The following ANGPTL6 variants were observed in gnomAD, a reference collection of about 807,000 sequenced individuals.
ANGPTL6 encodes angiopoietin like 6, also known as angiopoietin-related protein 6.
Under a neutral mutation model 47.4 loss-of-function variants are expected in ANGPTL6, and 45 were observed. The observed-to-expected ratio is 0.95, with a 90% CI of 0.75 to 1.22. The LOEUF is 1.22. Among genes scored for constraint, ANGPTL6 ranks in the 50% most tolerant of loss-of-function variants. The probability of loss-of-function intolerance (pLI) is 0.00; values close to 1 mark genes in which losing one functional copy is unlikely to be tolerated. For synonymous variants in ANGPTL6, 290 were observed against 295.9 expected, an observed-to-expected ratio of 0.98 and a Z score of 0.20; for missense variants, 698 against 669.4, an observed-to-expected ratio of 1.04 and a Z score of -0.47.
In ANGPTL6 at chr19:10,093,874, C is replaced by G; in HGVS notation, c.770G>C (p.Trp257Ser). 1 of 1,608,198 alleles carries G rather than the reference C, an allele frequency of 6.2e-7. No individual in the cohort carries two copies. Among genetic ancestry groups the G allele is most frequent in the Non-Finnish European group, 8.5e-7 (1 of 1,179,986 alleles). Residue 257 changes from tryptophan to serine, a missense_variant, in exon 4 of 6, where the codon TGG becomes TCG. Coordinates refer to ENST00000253109, the MANE Select transcript of ANGPTL6 (RefSeq NM_031917.3). Reference protein sequence around the residue: ...PAVPTKPVGPWQDCAEARQAG... With the variant: ...PAVPTKPVGPSQDCAEARQAG... ...CTGGCGGGCCTCTGCACAATCCTGC[C>G]ACGGGCCTGTGGGCACAGGGATAGG...
chr19:10,103,894 A>G (rs990799221), upstream of ANGPTL6, among the ~76,000 whole-genome samples: 10 of 151,404 alleles, frequency 6.6e-5, 1 homozygote, highest in Non-Finnish European at 1.0e-4. Context: ...GCAATTCGAG[A>G]CCAGCCTGGC....
chr19:10,099,748 T>C (rs907191040), intron 1 of ANGPTL6, among the ~76,000 whole-genome samples: 1 of 151,882 alleles, frequency 6.6e-6, no homozygotes, highest in African/African-American at 2.4e-5. Flanking sequence ...CCTATCCTTA[T>C]TCAAGTCTCA....
At position 10,096,350 on chromosome 19, in the gene ANGPTL6, G is replaced by A; in HGVS notation, c.214C>T (p.His72Tyr). 1 of 1,286,016 alleles carries A rather than the reference G, an allele frequency of 7.8e-7. No individual in the cohort carries two copies. The highest frequency in any genetic ancestry group is 9.8e-7 in the Non-Finnish European group (1 of 1,021,604). The allele number at this position is 1,286,016 out of a possible 1,614,324, so 79.7% of individuals were successfully genotyped here. A position where few individuals can be genotyped will look rare whatever the true frequency, so the allele number is the denominator to read the frequency against. ...LAALRMRVGR[H>Y]EELLRELQRL... ...TGCAGCTCGCGTAACAGCTCCTCGT[G>A]GCGGCCGACGCGCATGCGCAGCGCC... The change falls in exon 2 of 6, where the codon CAC (histidine) becomes TAC (tyrosine). Residue 72 changes from histidine (H) to tyrosine (Y), a missense_variant. Transcript: ENST00000253109.
chr19:10,103,065 C>T (rs1337101668), upstream of ANGPTL6, among the ~76,000 whole-genome samples: 1 of 151,900 alleles, frequency 6.6e-6, no homozygotes, highest in Non-Finnish European at 1.5e-5. Context: ...TCCTTACAAC[C>T]TGAGCTGGAT....
rs894580896 is a variant in ANGPTL6, at chr19:10,092,518, G to A, written c.*71C>T. On this transcript the variant is annotated 3_prime_UTR_variant, in exon 6 of 6. Transcript: ENST00000253109. Reference sequence around the variant, plus strand: ...ACATTGGCACTGAGCCACAAAGAAGGTGTGGCCAGAACAACTTGGGCTCCT... The same window carrying A: ...ACATTGGCACTGAGCCACAAAGAAGATGTGGCCAGAACAACTTGGGCTCCT... 4.6e-6 allele frequency: 7 copies of A among 1,531,188 alleles called. No individual in the cohort carries two copies. The highest frequency in any genetic ancestry group is 1.4e-5 in the African/African-American group (1 of 72,650). 94.9% of individuals were successfully genotyped at this position (1,531,188 alleles called of 1,614,324 possible). A position where few individuals can be genotyped will look rare whatever the true frequency, so the allele number is the denominator to read the frequency against.
chr19:10,092,969 T>C, intron 5 of ANGPTL6, 190 bp from the exon 6 acceptor site: 1 of 525,934 alleles, frequency 1.9e-6, no homozygotes, highest in Non-Finnish European at 3.3e-6. Context: ...GTAATAGCCT[T>C]AATTCCTTCC....
chr19:10,094,006 A>C (rs2088465878), intron 3 of ANGPTL6, 126 bp from the exon 4 acceptor site: 1 of 985,730 alleles, frequency 1.0e-6, no homozygotes, highest in African/African-American at 1.6e-5. Flanking sequence ...TTTTCTACCA[A>C]AGAGTCCTGC....
chr19:10,101,995 A>G (rs1462847745), intron 1 of ANGPTL6, among the ~76,000 whole-genome samples: 2 of 149,098 alleles, frequency 1.3e-5, no homozygotes, highest in Non-Finnish European at 3.0e-5. Context: ...GAGCGCCTGT[A>G]GCCCCAGCCA....
rs375202934 is a variant in ANGPTL6, at chr19:10,094,961, G to A, written c.583-23C>T. On this transcript the variant is annotated intron_variant, in intron 2 of 5. Coordinates refer to ENST00000253109, the MANE Select transcript of ANGPTL6 (RefSeq NM_031917.3). ...GACCTGGGGTGACGGAGAAAGTCAG[G>A]TGTAATTGCACTAACCCTCAGGCCA... 25 of 1,584,788 alleles carry A rather than the reference G, an allele frequency of 1.6e-5. No individual in the cohort carries two copies. The Admixed American group carries it at 3.1e-4, about 20-fold the overall frequency.
intron 1 of ANGPTL6, among the ~76,000 whole-genome samples, chr19:10,097,053 C>T (rs989382296): frequency 5.9e-5 from 9 of 151,792 alleles, no homozygotes; most frequent in Non-Finnish European, 1.3e-4. Flanking sequence ...GAGCCATGAT[C>T]GCTCCCCTGC....
At chr19:10,105,059 C>T (rs764561360), upstream of ANGPTL6, among the ~76,000 whole-genome samples, 1 of 152,206 alleles carries the variant, frequency 6.6e-6, no homozygotes, top group Non-Finnish European at 1.5e-5. Context: ...GAGACCTGTC[C>T]AAAGGCCCCA....
Position 10,093,529 on chromosome 19 carries a change from G to C in ANGPTL6, c.1042C>G (p.Leu348Val). The C allele has an allele frequency of 6.2e-7, 1 of 1,614,146 alleles. No homozygotes were observed. The highest frequency in any genetic ancestry group is 1.6e-4 in the Middle Eastern group (1 of 6,062). ...TSRGDHELLV[L>V]LEDWGGRGAR... ...CCACGGCCCCCCCAGTCCTCCAGGAGAACCAGCAGCTCATGGTCCCCACGG... is the reference window on the plus strand; with the variant it reads ...CCACGGCCCCCCCAGTCCTCCAGGACAACCAGCAGCTCATGGTCCCCACGG... The change falls in exon 5 of 6, where the codon CTC (leucine) becomes GTC (valine). Residue 348 changes from leucine to valine, a missense_variant. By Grantham distance (32) the Leu-to-Val change is conservative. Coordinates refer to ENST00000253109, the MANE Select transcript of ANGPTL6 (RefSeq NM_031917.3).
At chr19:10,098,797 C>G (rs191772736) in intron 1 of ANGPTL6, among the ~76,000 whole-genome samples, 1 of 151,836 alleles carries the variant, frequency 6.6e-6, no homozygotes, top group African/African-American at 2.4e-5. Flanking sequence ...GCACTCCAGC[C>G]TGGACAACAA....
intron 5 of ANGPTL6, 90 bp downstream of exon 5, chr19:10,093,259 C>T (rs987050075): frequency 1.0e-5 from 15 of 1,476,864 alleles, no homozygotes; most frequent in Admixed American, 2.1e-5. Flanking sequence ...ACCAGAGGGG[C>T]GTCTTACCTA....
chr19:10,095,411 C>A (rs2088505637), intron 2 of ANGPTL6, among the ~76,000 whole-genome samples: 1 of 151,752 alleles, frequency 6.6e-6, no homozygotes, highest in Admixed American at 6.6e-5. Context: ...GACTCCATCT[C>A]AAAAATAAAA....
upstream of ANGPTL6, chr19:10,106,142 C>A: frequency 1.6e-6 from 1 of 620,954 alleles, no homozygotes; most frequent in South Asian, 2.1e-5. Flanking sequence ...TGGGCCGAAG[C>A]GGGATTCGAA....
At chr19:10,097,054 G>A (rs1160092945) in intron 1 of ANGPTL6, among the ~76,000 whole-genome samples, 1 of 151,726 alleles carries the variant, frequency 6.6e-6, no homozygotes, top group African/African-American at 2.4e-5. Context: ...AGCCATGATC[G>A]CTCCCCTGCA....
At chr19:10,093,302 G>A (rs1264044075) in intron 5 of ANGPTL6, 47 bp downstream of exon 5, 10 of 1,580,722 alleles carry the variant, frequency 6.3e-6, no homozygotes, top group Middle Eastern at 1.7e-4. Context: ...ACCAGAACAG[G>A]AGTCCCGCCT....
chr19:10,098,057 A>G (rs1344118437), intron 1 of ANGPTL6, among the ~76,000 whole-genome samples: 2 of 150,538 alleles, frequency 1.3e-5, no homozygotes, highest in East Asian at 4.0e-4. Context: ...ACATCTGGCT[A>G]ATGTTTAAAT....
Sources: gnomAD v4.1 joint callset for allele counts (sites outside exome capture counted in the v4.1 genomes callset) on GRCh38, gnomAD v4.1.1 for gene constraint, MANE v1.5 for transcripts, NCBI Gene and HGNC (gene_info 2026-07-23, HGNC 2026-07-21) for gene names.